Variants in MYH14 observed in about 807,000 individuals in gnomAD.
MYH14 encodes the protein myosin-14.
In MYH14, 123 loss-of-function variants were observed where a neutral mutation model predicts 255.5. That is an observed-to-expected ratio of 0.48 (90% CI 0.42 to 0.56). The LOEUF (loss-of-function observed/expected upper bound fraction) is 0.56, where lower values mean the gene tolerates loss of function less well. MYH14 is among the 20% of genes least tolerant of loss of function. MYH14 has a pLI of 0.00. For synonymous variants in MYH14, 1,095 were observed against 1,161.2 expected, an observed-to-expected ratio of 0.94 and a Z score of 1.16; for missense variants, 2,423 against 2,802.3, an observed-to-expected ratio of 0.86 and a Z score of 3.06.
intron 19 of MYH14, 122 bp downstream of exon 19, chr19:50,259,387 GCA>G: frequency 7.6e-7 from 1 of 1,310,914 alleles, no homozygotes; most frequent in Non-Finnish European, 1.0e-6. Flanking sequence ...GGAAGTTGAG[GCA>G]GATTACTCAC....
intron 40 of MYH14, among the ~76,000 whole-genome samples, chr19:50,302,193 A>G (rs906669271): frequency 2.6e-5 from 4 of 151,212 alleles, no homozygotes; most frequent in African/African-American, 9.7e-5. Flanking sequence ...CTGAGATAAG[A>G]AGATAGCTTA....
chr19:50,263,312 G>A lies in MYH14; in HGVS notation c.2586G>A (p.Arg862=), dbSNP rs1283880121. ...QAAARGYLAR[R]AFQKRQQQQS... ...GCCCCTCACCCATTTCCCCACCCAGGGCCTTCCAGAAGCGCCAGCAGCAGC... is the reference window on the plus strand; with the variant it reads ...GCCCCTCACCCATTTCCCCACCCAGAGCCTTCCAGAAGCGCCAGCAGCAGC... The change falls in exon 22 of 43, where the codon AGG becomes AGA. Residue 862 remains arginine, a splice_region_variant and synonymous_variant. Coordinates refer to ENST00000642316, the MANE Select transcript of MYH14 (RefSeq NM_001145809.2). The A allele has an allele frequency of 6.5e-7, 1 of 1,546,722 alleles. No individual in the cohort carries two copies. Among genetic ancestry groups the A allele is most frequent in the Non-Finnish European group, 8.7e-7 (1 of 1,144,058 alleles).
At chr19:50,309,244 C>G in intron 42 of MYH14, 67 bp downstream of exon 42, 1 of 1,482,734 alleles carries the variant, frequency 6.7e-7, no homozygotes, top group Admixed American at 1.7e-5. Flanking sequence ...CCCAGGGACG[C>G]GAGGCCGTGC....
chr19:50,232,199 A>G (rs1392644437), intron 10 of MYH14, 129 bp downstream of exon 10: 4 of 1,170,626 alleles, frequency 3.4e-6, no homozygotes, highest in East Asian at 2.5e-5. Context: ...CACCGGGGCC[A>G]GAGCAGGGAA....
intron 24 of MYH14, among the ~76,000 whole-genome samples, chr19:50,269,145 TC>T (rs1400100098): frequency 1.3e-5 from 2 of 152,222 alleles, no homozygotes; most frequent in Non-Finnish European, 2.9e-5. Flanking sequence ...TCAGTCCACA[TC>T]AGCCACATTT....
rs1011508716 is a variant in MYH14, at chr19:50,230,692, T to C, written c.973+69T>C. On this transcript the variant is annotated intron_variant, in intron 9 of 42. Transcript: ENST00000642316. The surrounding 1 kb of genome is among the most constrained non-coding windows in gnomAD (Gnocchi z 4.7). Reference sequence around the variant, plus strand: ...GGCACCATGTCTCTCGGGGGCCCCTTCTGGGGAGGAAGCAAGAGTGGGGGG... The same window carrying C: ...GGCACCATGTCTCTCGGGGGCCCCTCCTGGGGAGGAAGCAAGAGTGGGGGG... The C allele has an allele frequency of 3.6e-6, 5 of 1,380,290 alleles. No homozygotes were observed. The highest frequency in any genetic ancestry group is 2.1e-5 in the Admixed American group (1 of 48,658). The allele number at this position is 1,380,290 out of a possible 1,614,324, so 85.5% of individuals were successfully genotyped here. A position where few individuals can be genotyped will look rare whatever the true frequency, so the allele number is the denominator to read the frequency against.
chr19:50,227,761 G>C (rs2033180028), intron 8 of MYH14, among the ~76,000 whole-genome samples: 1 of 152,134 alleles, frequency 6.6e-6, no homozygotes, highest in Non-Finnish European at 1.5e-5. Flanking sequence ...AAGAGAATGG[G>C]CCAAGAAATC....
Position 50,309,626 on chromosome 19 carries a change from T to C in MYH14, c.5961-14T>C, listed in dbSNP as rs757255560. 1.6e-5 allele frequency: 25 copies of C among 1,542,816 alleles called. No individual in the cohort carries two copies. The highest frequency in any genetic ancestry group is 1.9e-5 in the Non-Finnish European group (22 of 1,136,418). ...CTCATTTCATCTCTGTATCCTGGTC[T>C]CTCCTCCCCACAGACGCGGCCCCCT... On this transcript the variant is annotated splice_polypyrimidine_tract_variant and intron_variant, in intron 42 of 42. Coordinates refer to ENST00000642316, the MANE Select transcript of MYH14 (RefSeq NM_001145809.2).
chr19:50,237,044 C>T (rs1384568618), intron 10 of MYH14, among the ~76,000 whole-genome samples: 1 of 152,126 alleles, frequency 6.6e-6, no homozygotes, highest in Non-Finnish European at 1.5e-5. Flanking sequence ...GAAATCATGC[C>T]GTATATGATC....
intron 10 of MYH14, among the ~76,000 whole-genome samples, chr19:50,234,072 C>T (rs571810201): frequency 1.6e-4 from 25 of 151,886 alleles, no homozygotes; most frequent in Non-Finnish European, 2.9e-4. Context: ...CTCCCGCCTC[C>T]GCCTCCCAAA....
In MYH14 at chr19:50,280,257, G is replaced by A. The variant is rs573932338; in HGVS notation, c.4164G>A (p.Ala1388=). The A allele has an allele frequency of 6.0e-5, 93 of 1,551,744 alleles. No individual in the cohort carries two copies. Among genetic ancestry groups the A allele is most frequent in the South Asian group, 3.1e-4 (26 of 84,064 alleles). Residue 1388 remains alanine, a synonymous_variant, in exon 32 of 43, where the codon GCG becomes GCA. Coordinates refer to ENST00000642316, the MANE Select transcript of MYH14 (RefSeq NM_001145809.2). This position sits in a 1 kb window ranked among gnomAD's most constrained non-coding sequence, Gnocchi z 4.8. ...AQELLQEETR[A]KLALGSRVRA... ...AGCTGCTGCAGGAGGAGACCAGGGCGAAATTGGCCTTGGGGTCCCGGGTGC... is the reference window on the plus strand; with the variant it reads ...AGCTGCTGCAGGAGGAGACCAGGGCAAAATTGGCCTTGGGGTCCCGGGTGC...
At chr19:50,299,312 G>T (rs896752858) in intron 39 of MYH14, among the ~76,000 whole-genome samples, 1 of 152,118 alleles carries the variant, frequency 6.6e-6, no homozygotes, top group African/African-American at 2.4e-5. Flanking sequence ...GCTCACATCT[G>T]TGATTCCAGC....
At chr19:50,281,867 C>T (rs368364358) in intron 33 of MYH14, 25 bp downstream of exon 33, 125 of 1,601,980 alleles carry the variant, frequency 7.8e-5, no homozygotes, top group Middle Eastern at 6.6e-4. Context: ...TTCACCCAGC[C>T]GGGGAATCAG....
chr19:50,211,343 C>CA (rs1568462584), intron 2 of MYH14, among the ~76,000 whole-genome samples: 1 of 151,898 alleles, frequency 6.6e-6, no homozygotes, highest in Non-Finnish European at 1.5e-5. Context: ...CAAAAAAAGA[C>CA]AAAAAGCAAA....
intron 36 of MYH14, among the ~76,000 whole-genome samples, chr19:50,291,337 T>C (rs1293284529): frequency 5.9e-5 from 9 of 151,994 alleles, no homozygotes; most frequent in African/African-American, 2.2e-4. Flanking sequence ...AGTCTCATTC[T>C]GTCACCCAGG....
intron 10 of MYH14, 105 bp downstream of exon 10, chr19:50,232,175 C>T: frequency 7.0e-7 from 1 of 1,428,050 alleles, no homozygotes; most frequent in Non-Finnish European, 9.6e-7. Context: ...TATTGAGCAC[C>T]TACTGGGTGC....
chr19:50,223,557 GC>G (rs1457076069), intron 5 of MYH14, among the ~76,000 whole-genome samples: 1 of 152,214 alleles, frequency 6.6e-6, no homozygotes, highest in African/African-American at 2.4e-5. Context: ...GGTCTCACTG[GC>G]TCTCGGAATG....
At position 50,226,926 on chromosome 19, in the gene MYH14, T is replaced by C. The variant is rs565710216; in HGVS notation, c.834T>C (p.Phe278=). 1 of 1,613,728 alleles carries C rather than the reference T, an allele frequency of 6.2e-7. No homozygotes were observed. The highest frequency in any genetic ancestry group is 1.1e-5 in the South Asian group (1 of 91,076). The stretch of plus-strand genomic sequence containing the variant: ...AGGGCAAATTCATCCGCATCAACTT[T>C]GATGTTGCCGGGTACATCGTGGGCG... ...SRFGKFIRIN[F]DVAGYIVGAN... Residue 278 remains phenylalanine (F), a synonymous_variant, in exon 8 of 43, where the codon TTT becomes TTC. Transcript: ENST00000642316.
In MYH14 at chr19:50,230,257, A is replaced by AAG. The variant is rs113332156; in HGVS notation, c.875-251_875-250dup. On this transcript the variant is annotated intron_variant, in intron 8 of 42. Coordinates refer to ENST00000642316, the MANE Select transcript of MYH14 (RefSeq NM_001145809.2). This position sits in a 1 kb window ranked among gnomAD's most constrained non-coding sequence, Gnocchi z 4.7. ...GACAGAGCAAGACCCTGTCTCTAAAAAGAGAGAGAGAGAGAGAGGAAGGTC... is the reference window on the plus strand; with the variant it reads ...GACAGAGCAAGACCCTGTCTCTAAAAAGAGAGAGAGAGAGAGAGAGGAAGGTC... Among the ~76,000 whole-genome samples, 3,974 of 151,324 alleles carry AAG rather than the reference A, an allele frequency of 0.026. 139 individuals are homozygous for AAG. The highest frequency in any genetic ancestry group is 0.087 in the African/African-American group (3,588 of 41,280).
Sources: allele counts gnomAD v4.1 joint callset (sites outside exome capture counted in the v4.1 genomes callset), GRCh38; gene constraint gnomAD v4.1.1; non-coding constraint Gnocchi (gnomAD v3.1); transcripts MANE v1.5; gene names NCBI Gene and HGNC (gene_info 2026-07-23, HGNC 2026-07-21).